Variants in ZNF732 observed in about 807,000 individuals in gnomAD.
ZNF732 encodes the protein zinc finger protein 732.
ZNF732 carries 12 observed loss-of-function variants against 11.5 expected under a neutral mutation model. The ratio of observed to expected loss-of-function variants is 1.05; its 90% CI spans 0.67 to 1.70. The LOEUF is 1.70. ZNF732 is among the 40% of genes most tolerant of loss of function. ZNF732 has a pLI of 0.00. For synonymous variants in ZNF732, 231 were observed against 236.5 expected (o/e 0.98, Z 0.21); for missense variants, 702 against 676.9 (o/e 1.04, Z -0.41).
At chr4:293,917 A>G (rs1455707997) in intron 3 of ZNF732, among the ~76,000 whole-genome samples, 1 of 152,216 alleles carries the variant, frequency 6.6e-6, no homozygotes, top group African/African-American at 2.4e-5. Context: ...CAGATTCTTG[A>G]AAACTGCAAC....
intron 1 of ZNF732, among the ~76,000 whole-genome samples, chr4:304,584 G>C (rs7660634): frequency 0.11 from 16,966 of 151,848 alleles, 966 homozygotes; most frequent in Middle Eastern, 0.16. Flanking sequence ...CCTGCAGACG[G>C]CAGTCCCTGC....
In ZNF732 at chr4:277,791, A is replaced by C. The variant is rs113114939; in HGVS notation, c.227-5161T>G. On this transcript the variant is annotated intron_variant, in intron 3 of 3. Transcript: ENST00000419098. ...AACCATGAACTACCACACACACACAAAAAAAATTCAAATTGCTGGATCACA... is the reference window on the plus strand; with the variant it reads ...AACCATGAACTACCACACACACACACAAAAAATTCAAATTGCTGGATCACA... Among the ~76,000 whole-genome samples, 219 of 152,120 alleles carry C rather than the reference A, an allele frequency of 1.4e-3. 1 individual carries two copies. Among genetic ancestry groups the C allele is most frequent in the Middle Eastern group, 6.8e-3 (2 of 294 alleles).
In ZNF732 at chr4:271,494, A is replaced by C; in HGVS notation, c.1363T>G (p.Phe455Val). 6.2e-7 allele frequency: 1 copy of C among 1,611,024 alleles called. No homozygotes were observed. The highest frequency in any genetic ancestry group is 8.5e-7 in the Non-Finnish European group (1 of 1,178,554). The change falls in exon 4 of 4, where the codon TTT becomes GTT. Residue 455 changes from phenylalanine to valine, a missense_variant. Around this residue, in one of 3 missense-constraint regions of ZNF732, gnomAD observed 596 missense variants for 557.9 expected, o/e 1.07. Coordinates refer to ENST00000419098, the MANE Select transcript of ZNF732 (RefSeq NM_001137608.3). ...PYKCEECGKA[F>V]GWSAYLSKHK... ...TTACTCAGGTATGCAGACCATCCAA[A>C]GGCTTTGCCACACTCTTCACATTTG... is the stretch of plus-strand genomic sequence containing the variant.
rs187129452 is a variant in ZNF732, at chr4:275,407, C to T, written c.227-2777G>A. 4.2e-3 allele frequency among the ~76,000 whole-genome samples: 625 copies of T among 150,492 alleles called. 3 individuals are homozygous for T. The highest frequency in any genetic ancestry group is 7.7e-3 in the Non-Finnish European group (518 of 67,426). On this transcript the variant is annotated intron_variant, in intron 3 of 3. Transcript: ENST00000419098. ...TTGTAGTAATAGAAACAACAATTCCCATATTATATGGAATTAAGAAACAGT... is the reference window on the plus strand; with the variant it reads ...TTGTAGTAATAGAAACAACAATTCCTATATTATATGGAATTAAGAAACAGT...
intron 1 of ZNF732, among the ~76,000 whole-genome samples, chr4:304,767 C>G (rs1036794440): frequency 6.6e-6 from 1 of 152,244 alleles, no homozygotes; most frequent in African/African-American, 2.4e-5. Context: ...GCGGAGGAGG[C>G]GCACAGGGCA....
chr4:299,403 GTA>G (rs142703749), intron 1 of ZNF732, among the ~76,000 whole-genome samples: 64,032 of 89,152 alleles, frequency 0.72, 22,278 homozygotes, highest in Non-Finnish European at 0.78. Flanking sequence ...ACACATATGT[GTA>G]TATATATATA....
At chr4:304,524 A>G (rs1553844057) in intron 1 of ZNF732, among the ~76,000 whole-genome samples, 1 of 151,894 alleles carries the variant, frequency 6.6e-6, no homozygotes, top group African/African-American at 2.4e-5. Flanking sequence ...CACCACCCAG[A>G]GTCAGCGAAG....
At position 271,940 on chromosome 4, in the gene ZNF732, T is replaced by A. The variant is rs1719385422; in HGVS notation, c.917A>T (p.Tyr306Phe). The change falls in exon 4 of 4, where the codon TAC (tyrosine) becomes TTC (phenylalanine). Residue 306 changes from tyrosine (Y) to phenylalanine (F), a missense_variant. Tyr to Phe is a conservative substitution (Grantham distance 22, BLOSUM62 3). Coordinates refer to ENST00000419098, the MANE Select transcript of ZNF732 (RefSeq NM_001137608.3). ...HKKIHTGEKL[Y>F]KCQECGKVFN... ...GACTTTGCCACATTCCTGACATTTG[T>A]AGAGTTTCTCTCCGGTATGAATTTT... 6.2e-7 allele frequency: 1 copy of A among 1,609,396 alleles called. No individual in the cohort carries two copies. The highest frequency in any genetic ancestry group is 8.5e-7 in the Non-Finnish European group (1 of 1,177,562).
Position 272,135 on chromosome 4 carries a change from T to A in ZNF732, c.722A>T (p.His241Leu), listed in dbSNP as rs375346370. ...AGATTTCTCTCCAGTATGAACTTTA[T>A]GTTTAGCAAAGTTTGAGGATGTGGT... ...IFTTSSNFAK[H>L]KVHTGEKSYK... is the part of the protein sequence containing the mutation. Residue 241 changes from histidine (H) to leucine (L), a missense_variant, in exon 4 of 4, where the codon CAT (histidine) becomes CTT (leucine). Around this residue, in one of 3 missense-constraint regions of ZNF732, gnomAD observed 596 missense variants for 557.9 expected, o/e 1.07. Coordinates refer to ENST00000419098, the MANE Select transcript of ZNF732 (RefSeq NM_001137608.3). The A allele has an allele frequency of 1.2e-5, 20 of 1,613,270 alleles. No individual in the cohort carries two copies. In the African/African-American group the frequency reaches 2.1e-4, roughly 17 times the overall value.
rs377745654 is a variant in ZNF732, at chr4:272,206, A to G, written c.651T>C (p.His217=). The part of the protein sequence containing the change: ...YLIFNEYEII[H]TGEKPFTCEE... ...CACATGTGAAGGGTTTCTCTCCAGT[A>G]TGAATTATCTCATATTCATTAAAGA... Residue 217 remains histidine (H), a synonymous_variant, in exon 4 of 4, where the codon CAT becomes CAC. Coordinates refer to ENST00000419098, the MANE Select transcript of ZNF732 (RefSeq NM_001137608.3). The G allele has an allele frequency of 6.8e-6, 11 of 1,613,180 alleles. No homozygotes were observed. The highest frequency in any genetic ancestry group is 1.7e-4 in the Middle Eastern group (1 of 6,058).
chr4:303,013 C>G (rs1411577202), intron 1 of ZNF732, among the ~76,000 whole-genome samples: 1 of 152,110 alleles, frequency 6.6e-6, no homozygotes, highest in African/African-American at 2.4e-5. Context: ...AAGCTGACTC[C>G]CAGCACATCC....
intron 3 of ZNF732, among the ~76,000 whole-genome samples, chr4:293,706 C>A (rs1272228705): frequency 4.0e-5 from 6 of 150,746 alleles, no homozygotes; most frequent in Admixed American, 4.0e-4. Context: ...TTCTTATTAC[C>A]AAAAAAAATG....
intron 3 of ZNF732, among the ~76,000 whole-genome samples, chr4:284,293 G>C (rs1719679440): frequency 6.6e-6 from 1 of 151,900 alleles, no homozygotes; most frequent in Non-Finnish European, 1.5e-5. Flanking sequence ...TTACAAATAT[G>C]TGTATATTAG....
chr4:288,712 G>C (rs1719781288), intron 3 of ZNF732, among the ~76,000 whole-genome samples: 1 of 152,170 alleles, frequency 6.6e-6, no homozygotes, highest in Non-Finnish European at 1.5e-5. Context: ...ATTGGGCCAT[G>C]ATGGTCCTTG....
intron 3 of ZNF732, among the ~76,000 whole-genome samples, chr4:274,557 A>G (rs1719454490): frequency 6.6e-6 from 1 of 151,662 alleles, no homozygotes; most frequent in Non-Finnish European, 1.5e-5. Flanking sequence ...TTTCCATTCA[A>G]AATACATGCA....
intron 3 of ZNF732, among the ~76,000 whole-genome samples, chr4:274,125 A>G (rs1238409013): frequency 2.6e-5 from 4 of 151,826 alleles, no homozygotes; most frequent in Non-Finnish European, 5.9e-5. Context: ...CCACTATCAT[A>G]TTACAGAAAA....
chr4:300,955 T>G (rs1553843536), intron 1 of ZNF732, among the ~76,000 whole-genome samples: 2 of 152,002 alleles, frequency 1.3e-5, no homozygotes, highest in African/African-American at 4.8e-5. Flanking sequence ...GGGAGAAAAT[T>G]TTTGCAATCT....
intron 1 of ZNF732, among the ~76,000 whole-genome samples, chr4:300,454 C>CAAAAAAA (rs559629684): frequency 1.7e-5 from 1 of 58,626 alleles, no homozygotes; most frequent in Admixed American, 1.8e-4. Flanking sequence ...GACTCTGTCT[C>CAAAAAAA]AAAAAAAAAA....
intron 3 of ZNF732, among the ~76,000 whole-genome samples, chr4:293,498 A>C (rs543142693): frequency 3.1e-4 from 47 of 152,170 alleles, no homozygotes; most frequent in African/African-American, 1.1e-3. Flanking sequence ...TCATAAAAGC[A>C]GAAAGTAGAA....
Sources: allele counts gnomAD v4.1 joint callset (sites outside exome capture counted in the v4.1 genomes callset), GRCh38; gene constraint gnomAD v4.1.1; regional missense constraint gnomAD v4.1.1; transcripts MANE v1.5; gene names NCBI Gene and HGNC (gene_info 2026-07-23, HGNC 2026-07-21).